Variants in TRIO observed in about 807,000 individuals in gnomAD.
TRIO encodes the protein triple functional domain protein.
Under a neutral mutation model 351.9 loss-of-function variants are expected in TRIO, and 58 were observed. The ratio of observed to expected loss-of-function variants is 0.16; its 90% CI spans 0.13 to 0.21. The LOEUF (loss-of-function observed/expected upper bound fraction) is 0.21. Among genes scored for constraint, TRIO ranks in the 10% least tolerant of loss-of-function variants. The pLI is 1.00. For synonymous variants in TRIO, 1,758 were observed against 1,595.7 expected, an observed-to-expected ratio of 1.10 and a Z score of -2.42; for missense variants, 3,201 against 4,027.8, an observed-to-expected ratio of 0.79 and a Z score of 5.56.
intron 33 of TRIO, among the ~76,000 whole-genome samples, chr5:14,413,045 T>C (rs1246189801): frequency 6.6e-6 from 1 of 152,252 alleles, no homozygotes; most frequent in Admixed American, 6.5e-5. Context: ...GTCTCCGTTA[T>C]ACAGATGGCT....
At position 14,498,531 on chromosome 5, in the gene TRIO, G is replaced by C; in HGVS notation, c.8223G>C (p.Glu2741Asp). 1 of 1,614,084 alleles carries C rather than the reference G, an allele frequency of 6.2e-7. No homozygotes were observed. The highest frequency in any genetic ancestry group is 2.2e-5 in the East Asian group (1 of 44,878). ...ATCTGTGCCGCAGTGACCTGGGAGAGGCCACGCTGAAGATTGTGGGCGTGA... is the reference window on the plus strand; with the variant it reads ...ATCTGTGCCGCAGTGACCTGGGAGACGCCACGCTGAAGATTGTGGGCGTGA... ...HYSISYSDLG[E>D]ATLKIVGVTT... is the part of the protein sequence containing the mutation. The change falls in exon 53 of 57, where the codon GAG becomes GAC. Residue 2741 changes from glutamate to aspartate, a missense_variant. This residue lies in a region of TRIO where 1,089 missense variants were observed against 954.9 expected (regional missense o/e 1.14). Coordinates refer to ENST00000344204, the MANE Select transcript of TRIO (RefSeq NM_007118.4).
At chr5:14,172,384 G>C (rs1259633686) in intron 1 of TRIO, among the ~76,000 whole-genome samples, 1 of 152,226 alleles carries the variant, frequency 6.6e-6, no homozygotes, top group Admixed American at 6.5e-5. Context: ...CAGTGTCACA[G>C]AGAGTAGTGA....
chr5:14,481,843 T>C, intron 45 of TRIO: 1 of 498,168 alleles, frequency 2.0e-6, no homozygotes, highest in Non-Finnish European at 3.5e-6. Context: ...CAAAGCCCAG[T>C]GTCTCATGGC....
In TRIO at chr5:14,143,714, G is replaced by T; in HGVS notation, c.-12G>T. On this transcript the variant is annotated 5_prime_UTR_variant, in exon 1 of 57. Transcript: ENST00000344204. ...GCCCGAGGCGGGCGCGGCCGCGGGC[G>T]CCGCCGCAGCCATGAGCGGCAGCAG... is the stretch of plus-strand genomic sequence containing the variant. 2 of 975,088 alleles carry T rather than the reference G, an allele frequency of 2.1e-6. No homozygotes were observed. The highest frequency in any genetic ancestry group is 2.4e-6 in the Non-Finnish European group (2 of 824,446). The allele number at this position is 975,088 out of a possible 1,614,324, so 60.4% of individuals were successfully genotyped here.
intron 48 of TRIO, chr5:14,488,711 C>T (rs1756238547): frequency 3.5e-6 from 2 of 564,640 alleles, no homozygotes; most frequent in Admixed American, 3.0e-5. Flanking sequence ...GCATTTTTGA[C>T]TCATCTGCTG....
chr5:14,317,253 C>G (rs766898094), intron 9 of TRIO, among the ~76,000 whole-genome samples: 23 of 152,104 alleles, frequency 1.5e-4, no homozygotes, highest in Non-Finnish European at 2.8e-4. Context: ...TTTAAAGAAA[C>G]AAAAATAAGA....
intron 1 of TRIO, among the ~76,000 whole-genome samples, chr5:14,181,413 T>A (rs1789760374): frequency 6.6e-6 from 1 of 152,230 alleles, no homozygotes; most frequent in South Asian, 2.1e-4. Context: ...CACCGTCATC[T>A]GTTGTTTCCT....
intron 1 of TRIO, among the ~76,000 whole-genome samples, chr5:14,181,721 G>C (rs955118551): frequency 6.6e-6 from 1 of 152,324 alleles, no homozygotes; most frequent in South Asian, 2.1e-4. Flanking sequence ...AATGTCAGGG[G>C]TCTGTAAAGG....
chr5:14,204,210 T>A (rs543769175), intron 1 of TRIO, among the ~76,000 whole-genome samples: 1 of 152,302 alleles, frequency 6.6e-6, no homozygotes, highest in South Asian at 2.1e-4. Context: ...CATTTCTGCT[T>A]GACCTCACAA....
Position 14,482,671 on chromosome 5 carries a change from G to A in TRIO, c.6555G>A (p.Glu2185=). Residue 2185 remains glutamate (E), a synonymous_variant, in exon 46 of 57, where the codon GAG becomes GAA. Coordinates refer to ENST00000344204, the MANE Select transcript of TRIO (RefSeq NM_007118.4). ...CAGGACTTCTGCCTCGCTGCAGAGA[G>A]AGGCGCATCTTCCTCTTTGAGCAGA... The part of the protein sequence containing the change: ...QDAGLLPRCR[E]RRIFLFEQIV... The A allele has an allele frequency of 6.2e-7, 1 of 1,611,308 alleles. No homozygotes were observed. Among genetic ancestry groups the A allele is most frequent in the Non-Finnish European group, 8.5e-7 (1 of 1,178,152 alleles).
chr5:14,247,097 C>G (rs912578126), intron 1 of TRIO, among the ~76,000 whole-genome samples: 2 of 152,274 alleles, frequency 1.3e-5, no homozygotes, highest in African/African-American at 4.8e-5. Flanking sequence ...GCTCAGCCCG[C>G]TGAGCAAGGG....
At chr5:14,329,354 G>T (rs1419034153) in intron 9 of TRIO, among the ~76,000 whole-genome samples, 2 of 152,258 alleles carry the variant, frequency 1.3e-5, no homozygotes, top group Non-Finnish European at 2.9e-5. Context: ...GCTTCCAGGA[G>T]GGAATTAGGC....
At chr5:14,470,784 T>C (rs186705417) in intron 37 of TRIO, among the ~76,000 whole-genome samples, 1 of 152,332 alleles carries the variant, frequency 6.6e-6, no homozygotes, top group African/African-American at 2.4e-5. Context: ...CAGAGTGATT[T>C]GTATGCATTG....
At chr5:14,414,085 C>T (rs890679942) in intron 33 of TRIO, among the ~76,000 whole-genome samples, 1 of 152,200 alleles carries the variant, frequency 6.6e-6, no homozygotes, top group Non-Finnish European at 1.5e-5. Context: ...TTAAATGGTC[C>T]TAAGAAGTTT....
chr5:14,239,357 G>A (rs933327328), intron 1 of TRIO, among the ~76,000 whole-genome samples: 5 of 152,052 alleles, frequency 3.3e-5, no homozygotes, highest in African/African-American at 7.3e-5. Context: ...TATAGAATAA[G>A]AATTAAATGC....
At position 14,282,634 on chromosome 5, in the gene TRIO, C is replaced by T. The variant is rs540924629; in HGVS notation, c.347+2198C>T. On this transcript the variant is annotated intron_variant, in intron 3 of 56. Coordinates refer to ENST00000344204, the MANE Select transcript of TRIO (RefSeq NM_007118.4). ...AAAGTGGAGAGAATAATATCATGAA[C>T]ACACATATACCCTTCACCCAGCTTC... is the stretch of plus-strand genomic sequence containing the variant. 5.9e-5 allele frequency among the ~76,000 whole-genome samples: 9 copies of T among 152,010 alleles called. No individual in the cohort carries two copies. In the South Asian group the frequency reaches 1.9e-3, roughly 32 times the overall value.
At chr5:14,181,080 C>T (rs1333929342) in intron 1 of TRIO, among the ~76,000 whole-genome samples, 3 of 92,558 alleles carry the variant, frequency 3.2e-5, no homozygotes, top group South Asian at 7.8e-4. Context: ...CAATGGAATA[C>T]TACAATGTAT....
chr5:14,489,519 A>G (rs1306786872), intron 48 of TRIO, among the ~76,000 whole-genome samples: 1 of 152,192 alleles, frequency 6.6e-6, no homozygotes, highest in Non-Finnish European at 1.5e-5. Flanking sequence ...ACCCGTCAGC[A>G]CTTAGTTGGA....
In TRIO at chr5:14,405,938, G is replaced by C. The variant is rs368358934; in HGVS notation, c.4807G>C (p.Glu1603Gln). 6.2e-7 allele frequency: 1 copy of C among 1,613,268 alleles called. No homozygotes were observed. Among genetic ancestry groups the C allele is most frequent in the Non-Finnish European group, 8.5e-7 (1 of 1,179,868 alleles). The change falls in exon 32 of 57, where the codon GAG (glutamate) becomes CAG (glutamine). Residue 1603 changes from glutamate to glutamine, a missense_variant. By Grantham distance (29) the Glu-to-Gln change is conservative. Transcript: ENST00000344204. ...GATCCACCTGAAGGGAGCCCTGAAG[G>C]AGCCCATTCACATCCCTAAGACCGC... Reference protein sequence around the residue: ...RTIHLKGALKEPIHIPKTAPA... With the variant: ...RTIHLKGALKQPIHIPKTAPA...
Sources: gnomAD v4.1 joint callset for allele counts (sites outside exome capture counted in the v4.1 genomes callset) on GRCh38, gnomAD v4.1.1 for gene constraint, gnomAD v4.1.1 regional missense constraint, MANE v1.5 for transcripts, NCBI Gene and HGNC (gene_info 2026-07-23, HGNC 2026-07-21) for gene names.